CREB5: variants seen among roughly 807,000 people sequenced by gnomAD.
The protein encoded by CREB5 is cyclic AMP-responsive element-binding protein 5.
In CREB5, 19 loss-of-function variants were observed where a neutral mutation model predicts 57.1. That is an observed-to-expected ratio of 0.33 (90% CI 0.23 to 0.49). The LOEUF is 0.49. CREB5 is among the 20% of genes least tolerant of loss of function. The probability of loss-of-function intolerance (pLI) is 0.99; values close to 1 mark genes in which losing one functional copy is unlikely to be tolerated. For synonymous variants in CREB5, 238 were observed against 238.3 expected (o/e 1.00, Z 0.01); for missense variants, 579 against 671.6 (o/e 0.86, Z 1.52).
At chr7:28,616,431 G>T (rs994597356) in intron 5 of CREB5, among the ~76,000 whole-genome samples, 1 of 151,934 alleles carries the variant, frequency 6.6e-6, no homozygotes, top group Non-Finnish European at 1.5e-5. Flanking sequence ...TTCTTCAAGC[G>T]TGTGACCCAT....
intron 4 of CREB5, among the ~76,000 whole-genome samples, chr7:28,535,716 A>G (rs1323217395): frequency 6.6e-6 from 1 of 152,084 alleles, no homozygotes; most frequent in Non-Finnish European, 1.5e-5. Context: ...AATGGAAAGG[A>G]GAAAAGAAGG....
rs17667930 is a variant in CREB5, at chr7:28,722,490, A to G, written c.592-1732A>G. Among the ~76,000 whole-genome samples, 888 of 152,352 alleles carry G rather than the reference A, an allele frequency of 5.8e-3. 5 individuals carry two copies. Among genetic ancestry groups the G allele is most frequent in the Non-Finnish European group, 9.9e-3 (672 of 68,030 alleles). On this transcript the variant is annotated intron_variant, in intron 6 of 10. Coordinates refer to ENST00000357727, the MANE Select transcript of CREB5 (RefSeq NM_182898.4). ...GAAACTCTTGAATTCTTCATGATTT[A>G]CAATTACAGTGCATGAATGTACTTA...
At chr7:28,774,809 A>G (rs1806529509) in intron 7 of CREB5, among the ~76,000 whole-genome samples, 1 of 152,192 alleles carries the variant, frequency 6.6e-6, no homozygotes, top group Admixed American at 6.5e-5. Flanking sequence ...TGTTTTTGTT[A>G]ATAGAGATGA....
At chr7:28,649,970 A>G (rs41327) in intron 5 of CREB5, among the ~76,000 whole-genome samples, 61,966 of 152,022 alleles carry the variant, frequency 0.41, 16,401 homozygotes, top group African/African-American at 0.76. Context: ...ATTGAAAGCC[A>G]CCCTTTGAAA....
At chr7:28,325,030 A>G (rs1053502102) in intron 1 of CREB5, among the ~76,000 whole-genome samples, 1 of 152,188 alleles carries the variant, frequency 6.6e-6, no homozygotes, top group Non-Finnish European at 1.5e-5. Flanking sequence ...TTTACCTCCA[A>G]TGCATCACTC....
intron 1 of CREB5, among the ~76,000 whole-genome samples, chr7:28,428,708 G>A (rs1788601394): frequency 6.6e-6 from 1 of 152,190 alleles, no homozygotes; most frequent in Non-Finnish European, 1.5e-5. Context: ...GAATCAATGT[G>A]AGATGCTGAG....
At chr7:28,616,957 C>T (rs1022406525) in intron 5 of CREB5, among the ~76,000 whole-genome samples, 15 of 152,162 alleles carry the variant, frequency 9.9e-5, no homozygotes, top group South Asian at 2.1e-4. Flanking sequence ...AAAGCTTAGG[C>T]GTAGACATTG....
In CREB5 at chr7:28,514,475, A is replaced by C. The variant is rs557197107; in HGVS notation, c.291+6738A>C. 5.3e-5 allele frequency among the ~76,000 whole-genome samples: 8 copies of C among 152,250 alleles called. No individual in the cohort carries two copies. In the East Asian group the frequency reaches 1.5e-3, roughly 29 times the overall value. ...CAGTGGCGCCATCTCGGCTCACTGC[A>C]AGCTCCGCCTCCCGGGTTCACGCCA... On this transcript the variant is annotated intron_variant, in intron 4 of 10. Transcript: ENST00000357727.
rs76308344 is a variant in CREB5, at chr7:28,373,217, G to A, written c.-25+73776G>A. Among the ~76,000 whole-genome samples the A allele has an allele frequency of 8.3e-3, 1,257 of 152,284 alleles. 8 individuals carry two copies. The highest frequency in any genetic ancestry group is 0.012 in the Non-Finnish European group (845 of 68,024). On this transcript the variant is annotated intron_variant, in intron 1 of 9. Transcript: ENST00000396299. ...CTGGACATCAGAAGAGTAGGGGCAT[G>A]TCCCTCCCATGACGGTCAGGATTGA...
chr7:28,405,927 G>A (rs1213274303), intron 1 of CREB5, among the ~76,000 whole-genome samples: 1 of 152,122 alleles, frequency 6.6e-6, no homozygotes, highest in Non-Finnish European at 1.5e-5. Context: ...TGGACCCAAT[G>A]CCAAACCTTG....
intron 1 of CREB5, among the ~76,000 whole-genome samples, chr7:28,384,022 T>C (rs770081759): frequency 2.6e-5 from 4 of 152,212 alleles, no homozygotes; most frequent in Non-Finnish European, 4.4e-5. Context: ...TTAATTCTCT[T>C]TGGAAAATGA....
At chr7:28,630,812 T>A (rs1001042643) in intron 5 of CREB5, among the ~76,000 whole-genome samples, 35 of 152,226 alleles carry the variant, frequency 2.3e-4, no homozygotes, top group Non-Finnish European at 3.8e-4. Flanking sequence ...ACTTTTTGCA[T>A]GCAGAAGACA....
At chr7:28,685,683 T>TTA (rs1800846936) in intron 5 of CREB5, among the ~76,000 whole-genome samples, 1 of 149,234 alleles carries the variant, frequency 6.7e-6, no homozygotes, top group African/African-American at 2.5e-5. Context: ...TTTTTTTTTT[T>TTA]AACCAGTATT....
chr7:28,581,904 C>T (rs1286678789), intron 5 of CREB5, among the ~76,000 whole-genome samples: 2 of 152,118 alleles, frequency 1.3e-5, no homozygotes, highest in Non-Finnish European at 2.9e-5. Context: ...AGATGTAGTG[C>T]CAGGGTGGGG....
intron 4 of CREB5, among the ~76,000 whole-genome samples, chr7:28,530,916 A>G (rs1793700379): frequency 6.6e-6 from 1 of 152,214 alleles, no homozygotes; most frequent in Non-Finnish European, 1.5e-5. Context: ...TAATGAGCTT[A>G]GGAAAAACCT....
chr7:28,440,177 T>C (rs555869924), intron 1 of CREB5, among the ~76,000 whole-genome samples: 1 of 152,296 alleles, frequency 6.6e-6, no homozygotes, highest in Admixed American at 6.5e-5. Context: ...AAGATGCCCA[T>C]GAATTCTGCT....
intron 4 of CREB5, among the ~76,000 whole-genome samples, chr7:28,524,653 C>T (rs1315000663): frequency 6.6e-6 from 1 of 152,158 alleles, no homozygotes; most frequent in Admixed American, 6.5e-5. Context: ...TGCTTCTATT[C>T]ATTCAACCGT....
At chr7:28,317,793 C>A (rs1451587029) in intron 1 of CREB5, among the ~76,000 whole-genome samples, 3 of 152,126 alleles carry the variant, frequency 2.0e-5, no homozygotes, top group Admixed American at 1.3e-4. Flanking sequence ...ACATGTCAGG[C>A]TAATCTCTTC....
intron 5 of CREB5, among the ~76,000 whole-genome samples, chr7:28,625,521 G>A (rs1797966743): frequency 6.6e-6 from 1 of 152,170 alleles, no homozygotes; most frequent in Admixed American, 6.5e-5. Flanking sequence ...GTTAGTGGCT[G>A]GAGTTAAAAT....
Sources: gnomAD v4.1 joint callset for allele counts (sites outside exome capture counted in the v4.1 genomes callset) on GRCh38, gnomAD v4.1.1 for gene constraint, MANE v1.5 for transcripts, NCBI Gene and HGNC (gene_info 2026-07-23, HGNC 2026-07-21) for gene names.